PPP2R2A: variants seen among roughly 807,000 people sequenced by gnomAD.
PPP2R2A encodes serine/threonine-protein phosphatase 2A 55 kDa regulatory subunit B alpha isoform.
Under a neutral mutation model 53.2 loss-of-function variants are expected in PPP2R2A, and 9 were observed. That is an observed-to-expected ratio of 0.17 (90% CI 0.10 to 0.30). The LOEUF (loss-of-function observed/expected upper bound fraction) is 0.30, where lower values mean the gene tolerates loss of function less well. PPP2R2A is among the 10% of genes least tolerant of loss of function. The pLI, the probability that PPP2R2A is intolerant of heterozygous loss-of-function variation, is 1.00. For missense variants in PPP2R2A, 235 were observed against 534.6 expected, an observed-to-expected ratio of 0.44 and a Z score of 5.53; for synonymous variants, 169 against 174.2, an observed-to-expected ratio of 0.97 and a Z score of 0.23.
At chr8:26,367,299 G>C (rs187315890) in intron 9 of PPP2R2A, among the ~76,000 whole-genome samples, 14 of 152,040 alleles carry the variant, frequency 9.2e-5, no homozygotes, top group African/African-American at 3.4e-4. Flanking sequence ...GAAGAAAGAA[G>C]GAAAGGGAAG....
intron 2 of PPP2R2A, among the ~76,000 whole-genome samples, chr8:26,300,638 G>A (rs1218445793): frequency 1.3e-5 from 2 of 152,218 alleles, no homozygotes; most frequent in East Asian, 1.9e-4. Flanking sequence ...GGCAGATCAC[G>A]AGGTCAGGAG....
At chr8:26,346,111 A>G (rs1804197642) in intron 3 of PPP2R2A, among the ~76,000 whole-genome samples, 1 of 131,828 alleles carries the variant, frequency 7.6e-6, no homozygotes, top group Non-Finnish European at 1.6e-5. Flanking sequence ...ACAGATTACC[A>G]GTCGGGTTAT....
chr8:26,358,791 A>G (rs187874124), intron 4 of PPP2R2A: 53 of 364,004 alleles, frequency 1.5e-4, no homozygotes. Flanking sequence ...TAGTGATACA[A>G]ATAAACAATT....
chr8:26,291,740 C>A lies in PPP2R2A; in HGVS notation c.-80C>A, dbSNP rs370771820. ...CCGCCGCCATCCGCCCTCTCTACCC[C>A]CCCATCCCCAGGTGAGGGGGGTGAG... On this transcript the variant is annotated 5_prime_UTR_variant, in exon 1 of 10. Coordinates refer to ENST00000380737, the MANE Select transcript of PPP2R2A (RefSeq NM_002717.4). 4.2e-5 allele frequency: 64 copies of A among 1,525,968 alleles called. No homozygotes were observed. The African/African-American group carries it at 8.0e-4, about 19-fold the overall frequency. The allele number at this position is 1,525,968 out of a possible 1,614,324, so 94.5% of individuals were successfully genotyped here.
Position 26,360,037 on chromosome 8 carries a change from G to C in PPP2R2A, c.347-132G>C. 1.9e-6 allele frequency: 1 copy of C among 518,046 alleles called. No homozygotes were observed. 32.1% of individuals were successfully genotyped at this position (518,046 alleles called of 1,614,324 possible). A position where few individuals can be genotyped will look rare whatever the true frequency, so the allele number is the denominator to read the frequency against. ...TCAGCTGATAATAGGAAATTTTTTAGTAAGTTCAGATTAGGGTTTTTTTTT... is the reference window on the plus strand; with the variant it reads ...TCAGCTGATAATAGGAAATTTTTTACTAAGTTCAGATTAGGGTTTTTTTTT... On this transcript the variant is annotated intron_variant, in intron 4 of 9. Transcript: ENST00000380737. This position sits in a 1 kb window ranked among gnomAD's most constrained non-coding sequence, Gnocchi z 4.5.
intron 1 of PPP2R2A, chr8:26,293,136 T>G: frequency 8.6e-7 from 1 of 1,163,756 alleles, no homozygotes; most frequent in Non-Finnish European, 1.2e-6. Context: ...CCTCTCTGTC[T>G]GGAGCCAGTG....
intron 2 of PPP2R2A, among the ~76,000 whole-genome samples, chr8:26,302,382 G>T (rs1026368152): frequency 6.6e-6 from 1 of 152,202 alleles, no homozygotes; most frequent in African/African-American, 2.4e-5. Context: ...TAACGAATGT[G>T]ATTTTTTGAT....
At chr8:26,319,405 C>G (rs1472355980) in intron 2 of PPP2R2A, among the ~76,000 whole-genome samples, 1 of 152,122 alleles carries the variant, frequency 6.6e-6, no homozygotes, top group African/African-American at 2.4e-5. Flanking sequence ...ATAGTGGCAG[C>G]ACCATTTTAC....
At position 26,370,878 on chromosome 8, in the gene PPP2R2A, C is replaced by A; in HGVS notation, c.*465C>A. 6.1e-6 allele frequency: 1 copy of A among 164,284 alleles called. No homozygotes were observed. Among genetic ancestry groups the A allele is most frequent in the East Asian group, 1.7e-4 (1 of 5,962 alleles). 10.2% of individuals were successfully genotyped at this position (164,284 alleles called of 1,614,324 possible). A position where few individuals can be genotyped will look rare whatever the true frequency, so the allele number is the denominator to read the frequency against. On this transcript the variant is annotated 3_prime_UTR_variant, in exon 10 of 10. Coordinates refer to ENST00000380737, the MANE Select transcript of PPP2R2A (RefSeq NM_002717.4). The surrounding 1 kb of genome is among the most constrained non-coding windows in gnomAD (Gnocchi z 6.1). ...CTTACTGTGGCTTGTAGCATTCCTC[C>A]TCTTCTGGCCTCCTGGACTGCTCCC...
intron 4 of PPP2R2A, chr8:26,359,080 G>A (rs1025004867): frequency 5.4e-6 from 2 of 373,660 alleles, no homozygotes; most frequent in African/African-American, 4.1e-5. Flanking sequence ...GCTGTGAGAA[G>A]TCACTTCATC....
At chr8:26,311,692 C>T (rs993562482) in intron 2 of PPP2R2A, among the ~76,000 whole-genome samples, 2 of 152,088 alleles carry the variant, frequency 1.3e-5, no homozygotes, top group Admixed American at 6.5e-5. Context: ...AAACAATGAA[C>T]GAAAAATAAT....
chr8:26,333,413 C>T, intron 2 of PPP2R2A: 1 of 622,952 alleles, frequency 1.6e-6, no homozygotes, highest in Non-Finnish European at 2.3e-6. Context: ...ATTTCAAATA[C>T]CTTCAGCTGT....
intron 2 of PPP2R2A, among the ~76,000 whole-genome samples, chr8:26,317,415 G>A (rs1802615192): frequency 6.6e-6 from 1 of 152,150 alleles, no homozygotes; most frequent in African/African-American, 2.4e-5. Flanking sequence ...TCACGTATGA[G>A]GAAATCCTGA....
rs1805632506 is a variant in PPP2R2A, at chr8:26,370,763, A to T, written c.*350A>T. ...TCAAACACAGTGAAAGCCTTCAGTC[A>T]TGCTATGGGATTTAATTGTGTATCC... is the stretch of plus-strand genomic sequence containing the variant. On this transcript the variant is annotated 3_prime_UTR_variant, in exon 10 of 10. Transcript: ENST00000380737. This position sits in a 1 kb window ranked among gnomAD's most constrained non-coding sequence, Gnocchi z 6.1. 3.5e-6 allele frequency: 1 copy of T among 282,786 alleles called. No individual in the cohort carries two copies. Among genetic ancestry groups the T allele is most frequent in the Non-Finnish European group, 6.9e-6 (1 of 145,520 alleles). 17.5% of individuals were successfully genotyped at this position (282,786 alleles called of 1,614,324 possible).
Position 26,361,096 on chromosome 8 carries a change from T to G in PPP2R2A, c.582T>G (p.Ser194=), listed in dbSNP as rs1805059263. 4 of 1,601,628 alleles carry G rather than the reference T, an allele frequency of 2.5e-6. No homozygotes were observed. Among genetic ancestry groups the G allele is most frequent in the Non-Finnish European group, 3.4e-6 (4 of 1,177,264 alleles). Residue 194 remains serine (S), a synonymous_variant, in exon 6 of 10, where the codon TCT becomes TCG. Transcript: ENST00000380737. ...ATAGTGATTATGAAACATATTTATC[T>G]GCAGATGATTTGCGGATTAATCTTT... The part of the protein sequence containing the change: ...SINSDYETYL[S]ADDLRINLWH...
chr8:26,302,645 C>G (rs1388999803), intron 2 of PPP2R2A, among the ~76,000 whole-genome samples: 1 of 152,182 alleles, frequency 6.6e-6, no homozygotes, highest in Admixed American at 6.5e-5. Flanking sequence ...AATATTCCTC[C>G]CTTTCTAACT....
At chr8:26,309,338 G>T (rs1321232082) in intron 2 of PPP2R2A, among the ~76,000 whole-genome samples, 1 of 152,194 alleles carries the variant, frequency 6.6e-6, no homozygotes, top group Non-Finnish European at 1.5e-5. Flanking sequence ...TAAGCAGTAG[G>T]TCTCAACAGT....
At chr8:26,293,188 C>T in intron 1 of PPP2R2A, 1 of 1,510,958 alleles carries the variant, frequency 6.6e-7, no homozygotes, top group East Asian at 2.5e-5. Context: ...GTAGTGTTTG[C>T]TGTGTGTGCA....
intron 2 of PPP2R2A, among the ~76,000 whole-genome samples, chr8:26,322,281 G>T (rs1802876561): frequency 1.3e-5 from 2 of 152,168 alleles, no homozygotes; most frequent in African/African-American, 4.8e-5. Flanking sequence ...GTTGAAAATT[G>T]TAACAAAAAT....
Sources: allele counts gnomAD v4.1 joint callset (sites outside exome capture counted in the v4.1 genomes callset), GRCh38; gene constraint gnomAD v4.1.1; non-coding constraint Gnocchi (gnomAD v3.1); transcripts MANE v1.5; gene names NCBI Gene and HGNC (gene_info 2026-07-23, HGNC 2026-07-21).